TMEM14A: variants seen among roughly 807,000 people sequenced by gnomAD.
The protein encoded by TMEM14A is transmembrane protein 14A.
A neutral mutation model predicts 11.6 loss-of-function variants in TMEM14A; 8 were observed. The ratio of observed to expected loss-of-function variants is 0.69; its 90% confidence interval spans 0.40 to 1.24. TMEM14A has a LOEUF of 1.24. TMEM14A is among the 50% of genes most tolerant of loss of function. The pLI is 0.01. For synonymous variants in TMEM14A, 34 were observed against 45.5 expected (o/e 0.75, Z 1.02); for missense variants, 108 against 121.9 (o/e 0.89, Z 0.54).
chr6:52,682,017 A>T, intron 3 of TMEM14A, 103 bp downstream of exon 3: 2 of 898,364 alleles, frequency 2.2e-6, no homozygotes, highest in Non-Finnish European at 3.5e-6. Context: ...CAAATGGCAA[A>T]TGGCCATATG....
intron 2 of TMEM14A, among the ~76,000 whole-genome samples, chr6:52,680,662 T>TATATATAC (rs1769358620): frequency 1.2e-5 from 1 of 81,820 alleles, no homozygotes; most frequent in Non-Finnish European, 2.6e-5. Flanking sequence ...TGTGTGTATA[T>TATATATAC]ATATGTGTAT....
chr6:52,678,554 A>G (rs1769306737), intron 2 of TMEM14A, among the ~76,000 whole-genome samples: 1 of 152,104 alleles, frequency 6.6e-6, no homozygotes, highest in African/African-American at 2.4e-5. Context: ...CAAGGGTATT[A>G]TGGGTTCACA....
chr6:52,674,524 G>A (rs75634655), intron 1 of TMEM14A, among the ~76,000 whole-genome samples: 15,076 of 152,124 alleles, frequency 0.099, 1,011 homozygotes, highest in Non-Finnish European at 0.15. Flanking sequence ...ATACCATAGG[G>A]TGTGGTCATG....
intron 2 of TMEM14A, among the ~76,000 whole-genome samples, chr6:52,679,164 TG>T (rs1187587505): frequency 6.6e-6 from 1 of 152,120 alleles, no homozygotes; most frequent in Non-Finnish European, 1.5e-5. Flanking sequence ...TTTATTTTGA[TG>T]GGGGTACAGT....
rs2397099 is a variant in TMEM14A at position 52,673,662 on chromosome 6, C to G, written c.-17+2417C>G. The stretch of plus-strand genomic sequence containing the variant: ...CCTTGTTATGGTACCCACACCTCTC[C>G]TCTTAGGGCTCATTCACACATCTGC... On this transcript the variant is annotated intron_variant, in intron 1 of 4. Transcript: ENST00000211314. Among the ~76,000 whole-genome samples the G allele has an allele frequency of 9.9e-3, 1,514 of 152,270 alleles. 26 individuals carry two copies. Among genetic ancestry groups the G allele is most frequent in the African/African-American group, 0.035 (1,438 of 41,528 alleles).
At chr6:52,683,412 A>G (rs922079736) in intron 3 of TMEM14A, among the ~76,000 whole-genome samples, 2 of 150,306 alleles carry the variant, frequency 1.3e-5, no homozygotes, top group African/African-American at 4.9e-5. Flanking sequence ...GTGAGCTGAG[A>G]TCACGCCACT....
chr6:52,672,345 T>G (rs977364555), intron 1 of TMEM14A, among the ~76,000 whole-genome samples: 3 of 151,394 alleles, frequency 2.0e-5, no homozygotes, highest in Non-Finnish European at 4.4e-5. Context: ...GCTGGGGGGC[T>G]CAGGATGGAG....
intron 4 of TMEM14A, among the ~76,000 whole-genome samples, chr6:52,685,694 G>A (rs919254956): frequency 6.6e-5 from 10 of 152,124 alleles, no homozygotes; most frequent in Non-Finnish European, 1.3e-4. Context: ...CCCCAAGTTG[G>A]TCCTCGATTA....
intron 2 of TMEM14A, among the ~76,000 whole-genome samples, chr6:52,678,086 A>G (rs932788292): frequency 6.6e-6 from 1 of 152,190 alleles, no homozygotes; most frequent in African/African-American, 2.4e-5. Flanking sequence ...AAAAAAGATG[A>G]TGGCACCAAA....
At chr6:52,680,691 G>GTT (rs758417981) in intron 2 of TMEM14A, among the ~76,000 whole-genome samples, 2 of 35,336 alleles carry the variant, frequency 5.7e-5, no homozygotes, top group African/African-American at 1.5e-4. Flanking sequence ...ATACATATAT[G>GTT]TATATATATA....
chr6:52,684,273 A>T, intron 4 of TMEM14A, 108 bp downstream of exon 4: 1 of 988,104 alleles, frequency 1.0e-6, no homozygotes, highest in Non-Finnish European at 1.5e-6. Context: ...TTTTTGTTAT[A>T]ATAAGCATGA....
chr6:52,675,841 T>G (rs1186824210), intron 1 of TMEM14A, among the ~76,000 whole-genome samples: 3 of 152,014 alleles, frequency 2.0e-5, no homozygotes, highest in Admixed American at 2.0e-4. Flanking sequence ...TAAGATGGAA[T>G]TGTGGAAGTT....
intron 2 of TMEM14A, among the ~76,000 whole-genome samples, chr6:52,678,323 GTGTGTT>G (rs200842488): frequency 0.3 from 4,533 of 14,884 alleles, 180 homozygotes; most frequent in African/African-American, 0.4. Context: ...GTGTGTATGT[GTGTGTT>G]TGTGTGTGTG....
intron 2 of TMEM14A, among the ~76,000 whole-genome samples, chr6:52,680,199 G>A (rs1396769566): frequency 2.6e-5 from 4 of 151,828 alleles, no homozygotes; most frequent in Non-Finnish European, 5.9e-5. Context: ...CAGGAATAGC[G>A]GAAGACTATG....
At chr6:52,675,921 A>G (rs1769248618) in intron 1 of TMEM14A, among the ~76,000 whole-genome samples, 1 of 152,218 alleles carries the variant, frequency 6.6e-6, no homozygotes, top group Admixed American at 6.5e-5. Context: ...AGTCAAGGAA[A>G]TTAGGAGGTA....
intron 3 of TMEM14A, among the ~76,000 whole-genome samples, chr6:52,683,624 T>A (rs1769436407): frequency 6.6e-6 from 1 of 152,090 alleles, no homozygotes; most frequent in Non-Finnish European, 1.5e-5. Context: ...CTTTTGTTGT[T>A]TTTTTGAGAC....
At chr6:52,673,878 T>G (rs893418076) in intron 1 of TMEM14A, among the ~76,000 whole-genome samples, 26 of 152,226 alleles carry the variant, frequency 1.7e-4, no homozygotes, top group African/African-American at 6.3e-4. Context: ...CTACCTCAGT[T>G]TTCTCAGTGT....
In TMEM14A at chr6:52,686,422, T is replaced by C. The variant is rs1392581956; in HGVS notation, c.*373T>C. ...GGAGTTCACAGAATGATAATGTATC[T>C]ATTTGTCATTTGTGTTATATTTGAA... is the stretch of plus-strand genomic sequence containing the variant. On this transcript the variant is annotated 3_prime_UTR_variant, in exon 5 of 5. Transcript: ENST00000211314. 7.8e-6 allele frequency: 3 copies of C among 386,874 alleles called. No homozygotes were observed. The highest frequency in any genetic ancestry group is 6.2e-5 in the African/African-American group (3 of 48,400). The allele number at this position is 386,874 out of a possible 1,614,324, so 24.0% of individuals were successfully genotyped here.
At position 52,686,091 on chromosome 6, in the gene TMEM14A, G is replaced by C. The variant is rs762737721; in HGVS notation, c.*42G>C. The C allele has an allele frequency of 2.1e-5, 33 of 1,576,320 alleles. 1 individual carries two copies. Among genetic ancestry groups the C allele is most frequent in the Non-Finnish European group, 2.7e-5 (31 of 1,159,306 alleles). ...AAAACTAAGTTCATGTCATCCTGCT[G>C]TAATGGGCAGAGCATATTTTTTTTG... On this transcript the variant is annotated 3_prime_UTR_variant, in exon 5 of 5. Coordinates refer to ENST00000211314, the MANE Select transcript of TMEM14A (RefSeq NM_014051.4).
Sources: allele counts gnomAD v4.1 joint callset (sites outside exome capture counted in the v4.1 genomes callset), GRCh38; gene constraint gnomAD v4.1.1; transcripts MANE v1.5; gene names NCBI Gene and HGNC (gene_info 2026-07-23, HGNC 2026-07-21).